OSBPL1A: variants seen among roughly 807,000 people sequenced by gnomAD.
The protein encoded by OSBPL1A is oxysterol-binding protein-related protein 1.
OSBPL1A carries 80 observed loss-of-function variants against 137.1 expected under a neutral mutation model. That is an observed-to-expected ratio of 0.58 (90% CI 0.49 to 0.70). The LOEUF is 0.70. Ranked by LOEUF, OSBPL1A falls within the 30% of genes least tolerant of loss-of-function variation. The pLI is 0.00. For synonymous variants in OSBPL1A, 365 were observed against 389.7 expected, an observed-to-expected ratio of 0.94 and a Z score of 0.75; for missense variants, 970 against 1,129.4, an observed-to-expected ratio of 0.86 and a Z score of 2.02.
chr18:24,297,583 T>G (rs1162086883), intron 14 of OSBPL1A, among the ~76,000 whole-genome samples: 2 of 152,244 alleles, frequency 1.3e-5, no homozygotes, highest in Non-Finnish European at 2.9e-5. Flanking sequence ...GAGGTTTTGA[T>G]AACTTGTGTC....
intron 15 of OSBPL1A, among the ~76,000 whole-genome samples, chr18:24,265,806 G>C (rs927027593): frequency 9.9e-5 from 15 of 152,146 alleles, no homozygotes; most frequent in Non-Finnish European, 2.1e-4. Context: ...TCTCCCAGGG[G>C]AAAGACATCT....
At chr18:24,355,018 G>A in intron 4 of OSBPL1A, among the ~76,000 whole-genome samples, 1 of 152,080 alleles carries the variant, frequency 6.6e-6, no homozygotes, top group African/African-American at 2.4e-5. Context: ...ACCCCTTGCT[G>A]TCAGTGAACT....
intron 4 of OSBPL1A, among the ~76,000 whole-genome samples, chr18:24,365,186 T>G (rs2091686071): frequency 6.6e-6 from 1 of 152,050 alleles, no homozygotes; most frequent in Non-Finnish European, 1.5e-5. Flanking sequence ...TATTCAGCCA[T>G]AAAAAAGACC....
chr18:24,357,577 G>T (rs1408861654), intron 4 of OSBPL1A: 1 of 152,144 alleles, frequency 6.6e-6, no homozygotes, highest in East Asian at 1.9e-4. Context: ...AGGCAGGTTT[G>T]CATGACCCAG....
chr18:24,383,534 G>A (rs1311616731), intron 1 of OSBPL1A, among the ~76,000 whole-genome samples: 1 of 152,208 alleles, frequency 6.6e-6, no homozygotes, highest in Non-Finnish European at 1.5e-5. Flanking sequence ...AACACAGGCG[G>A]ATCACAAGGT....
intron 14 of OSBPL1A, among the ~76,000 whole-genome samples, chr18:24,287,233 G>A (rs985493525): frequency 6.6e-6 from 1 of 152,210 alleles, no homozygotes; most frequent in Non-Finnish European, 1.5e-5. Flanking sequence ...TGATTGAATT[G>A]TCCAATGGGT....
chr18:24,245,039 T>C (rs917538521), intron 15 of OSBPL1A, among the ~76,000 whole-genome samples: 1 of 152,210 alleles, frequency 6.6e-6, no homozygotes, highest in Non-Finnish European at 1.5e-5. Context: ...CTCTTTCCTC[T>C]TCGCTAGTGC....
intron 15 of OSBPL1A, among the ~76,000 whole-genome samples, chr18:24,259,376 A>G (rs2089381509): frequency 1.3e-5 from 2 of 152,198 alleles, no homozygotes; most frequent in Non-Finnish European, 2.9e-5. Context: ...CTTTGTCATT[A>G]GTAAGCCCCA....
chr18:24,340,119 ATCTTC>A lies in OSBPL1A; in HGVS notation c.394+1423_394+1427del, dbSNP rs2091249303. 2.6e-5 allele frequency among the ~76,000 whole-genome samples: 4 copies of A among 152,348 alleles called. 1 individual carries two copies. The highest frequency in any genetic ancestry group is 2.0e-4 in the Admixed American group (3 of 15,302). On this transcript the variant is annotated intron_variant, in intron 5 of 27. Transcript: ENST00000319481. ...TTACTCATTAAGTAGAAAATTAAAGATCTTCTCTTCTCAACATTAGAAATACTACT... is the reference window on the plus strand; with the variant it reads ...TTACTCATTAAGTAGAAAATTAAAGATCTTCTCAACATTAGAAATACTACT...
At chr18:24,387,508 A>G (rs1248435185) in intron 1 of OSBPL1A, among the ~76,000 whole-genome samples, 1 of 152,304 alleles carries the variant, frequency 6.6e-6, no homozygotes, top group African/African-American at 2.4e-5. Context: ...AATGATCTTT[A>G]TATTCCTTTC....
intron 15 of OSBPL1A, 74 bp downstream of exon 15, chr18:24,280,768 G>T: frequency 1.0e-6 from 1 of 999,188 alleles, no homozygotes; most frequent in Non-Finnish European, 1.4e-6. Flanking sequence ...CAATTTGAAA[G>T]CAATGACTTC....
chr18:24,323,812 T>C (rs2090916837), intron 7 of OSBPL1A, among the ~76,000 whole-genome samples: 1 of 32,914 alleles, frequency 3.0e-5, no homozygotes, highest in Non-Finnish European at 5.8e-5. Context: ...TGGTTTTTTG[T>C]TCTTGCGATA....
intron 15 of OSBPL1A, among the ~76,000 whole-genome samples, chr18:24,266,952 T>A (rs1198256544): frequency 6.6e-6 from 1 of 151,868 alleles, no homozygotes; most frequent in Non-Finnish European, 1.5e-5. Flanking sequence ...ATTGTAAAAT[T>A]TAATTTTAAA....
chr18:24,166,414 A>C (rs1264655637), intron 26 of OSBPL1A, among the ~76,000 whole-genome samples, 165 bp downstream of exon 26: 1 of 152,228 alleles, frequency 6.6e-6, no homozygotes, highest in Non-Finnish European at 1.5e-5. Flanking sequence ...TTCCAAATTT[A>C]AAATAAAAGT....
At chr18:24,383,176 G>T (rs1039120215) in intron 1 of OSBPL1A, among the ~76,000 whole-genome samples, 6 of 152,058 alleles carry the variant, frequency 3.9e-5, no homozygotes, top group Non-Finnish European at 8.8e-5. Flanking sequence ...AAACAAAAAA[G>T]CTTCATGTCT....
At chr18:24,340,224 C>A (rs57846851) in intron 5 of OSBPL1A, among the ~76,000 whole-genome samples, 15,377 of 152,198 alleles carry the variant, frequency 0.1, 916 homozygotes, top group East Asian at 0.23. Context: ...ATGCAAGCAT[C>A]AAAATGGTTT....
intron 15 of OSBPL1A, among the ~76,000 whole-genome samples, chr18:24,273,887 A>G (rs1216065623): frequency 6.6e-6 from 1 of 152,146 alleles, no homozygotes; most frequent in Non-Finnish European, 1.5e-5. Flanking sequence ...GGGGAACTGT[A>G]TGCTGGAGTC....
Position 24,314,248 on chromosome 18 carries a change from C to T in OSBPL1A, c.969+1G>A. 3 of 1,577,444 alleles carry T rather than the reference C, an allele frequency of 1.9e-6. No individual in the cohort carries two copies. Among genetic ancestry groups the T allele is most frequent in the Non-Finnish European group, 2.6e-6 (3 of 1,158,044 alleles). On this transcript the variant is annotated splice_donor_variant, in intron 12 of 27. Coordinates refer to ENST00000319481, the MANE Select transcript of OSBPL1A (RefSeq NM_080597.4). LOFTEE classifies it high-confidence loss of function. Reference sequence around the variant, plus strand: ...AAAGATACATGAATCCATAAGATTACCTCTCTTGACTGCTGAAGGCTATTC... The same window carrying T: ...AAAGATACATGAATCCATAAGATTATCTCTCTTGACTGCTGAAGGCTATTC...
Position 24,250,177 on chromosome 18 carries a change from TG to T in OSBPL1A, c.1282-10796del, listed in dbSNP as rs1446436031. 4.9e-3 allele frequency among the ~76,000 whole-genome samples: 273 copies of T among 55,832 alleles called. 4 individuals are homozygous for T. The highest frequency in any genetic ancestry group is 6.3e-3 in the Middle Eastern group (1 of 160). 36.6% of individuals were successfully genotyped at this position (55,832 alleles called of 152,430 possible). The stretch of plus-strand genomic sequence containing the variant: ...GTTTTTGTTTGTTTGTTTGTTTGTT[TG>T]TTTGTTTGTTTTTTTTGACATGGAG... On this transcript the variant is annotated intron_variant, in intron 15 of 27. Transcript: ENST00000319481.
Sources: allele counts gnomAD v4.1 joint callset (sites outside exome capture counted in the v4.1 genomes callset), GRCh38; gene constraint gnomAD v4.1.1; transcripts MANE v1.5; gene names NCBI Gene and HGNC (gene_info 2026-07-23, HGNC 2026-07-21).